Variants in CC2D2B observed in about 807,000 individuals in gnomAD.
CC2D2B encodes the protein coiled-coil and C2 domain containing 2B, also known as protein CC2D2B.
CC2D2B carries 128 observed loss-of-function variants against 161.2 expected under a neutral mutation model. The observed-to-expected ratio is 0.79, with a 90% confidence interval of 0.69 to 0.92. CC2D2B has a LOEUF of 0.92. CC2D2B is among the 40% of genes least tolerant of loss of function. CC2D2B has a pLI of 0.00. For synonymous variants in CC2D2B, 391 were observed against 449.8 expected, an observed-to-expected ratio of 0.87 and a Z score of 1.65; for missense variants, 1,173 against 1,375.1, an observed-to-expected ratio of 0.85 and a Z score of 2.32.
At chr10:95,944,929 A>G (rs979338694) in intron 9 of CC2D2B, among the ~76,000 whole-genome samples, 6 of 152,228 alleles carry the variant, frequency 3.9e-5, no homozygotes, top group Non-Finnish European at 1.5e-5. Flanking sequence ...TTTCAATGTG[A>G]TAGCATTAAG....
chr10:95,931,536 T>A lies in CC2D2B; in HGVS notation c.336+4204T>A, dbSNP rs529939164. On this transcript the variant is annotated intron_variant, in intron 6 of 34. Transcript: ENST00000646931. ...GGGCTTTTTGTGCTATAAATTTCCC[T>A]CTAAACACTGCTTTAACTGTGTCCC... 2.0e-5 allele frequency among the ~76,000 whole-genome samples: 3 copies of A among 152,370 alleles called. No individual in the cohort carries two copies. In the South Asian group the frequency reaches 6.2e-4, roughly 32 times the overall value.
chr10:95,969,969 A>C (rs974287840), intron 15 of CC2D2B, among the ~76,000 whole-genome samples: 4 of 152,188 alleles, frequency 2.6e-5, no homozygotes, highest in Admixed American at 1.3e-4. Context: ...CACCATTAGC[A>C]AATGCAAAAA....
intron 2 of CC2D2B, among the ~76,000 whole-genome samples, chr10:95,914,381 C>T (rs181622188): frequency 2.6e-5 from 4 of 152,126 alleles, no homozygotes; most frequent in East Asian, 3.9e-4. Flanking sequence ...TTTAGTACAG[C>T]TCTGTAGCAC....
intron 17 of CC2D2B, among the ~76,000 whole-genome samples, chr10:95,975,685 T>C (rs1298290040): frequency 6.6e-6 from 1 of 152,200 alleles, no homozygotes; most frequent in Non-Finnish European, 1.5e-5. Flanking sequence ...AGAAACTCTC[T>C]CTTCCTCAAC....
chr10:95,962,741 AT>A (rs966559006), intron 12 of CC2D2B, among the ~76,000 whole-genome samples: 4 of 127,460 alleles, frequency 3.1e-5, no homozygotes, highest in African/African-American at 5.7e-5. Flanking sequence ...TATTTTGTTG[AT>A]TTTTTTTTCT....
intron 34 of CC2D2B, among the ~76,000 whole-genome samples, chr10:96,031,279 G>A (rs371677098): frequency 2.6e-4 from 40 of 152,160 alleles, no homozygotes; most frequent in African/African-American, 9.2e-4. Context: ...TGGGAAGAGC[G>A]TGTGAACAGA....
intron 9 of CC2D2B, among the ~76,000 whole-genome samples, chr10:95,945,723 A>G (rs1027986254): frequency 4.0e-5 from 6 of 149,254 alleles, no homozygotes; most frequent in African/African-American, 1.5e-4. Context: ...GCTGCTTTTC[A>G]CCAATGTGTC....
chr10:95,941,833 C>A (rs1195780566), intron 9 of CC2D2B, among the ~76,000 whole-genome samples: 1 of 152,146 alleles, frequency 6.6e-6, no homozygotes, highest in Admixed American at 6.6e-5. Flanking sequence ...CCAACAATCT[C>A]ACTTCTGGGT....
intron 13 of CC2D2B, 46 bp downstream of exon 13, chr10:95,966,044 T>TCTATCAAAAAATAAAATA: frequency 1.2e-6 from 1 of 812,550 alleles, no homozygotes; most frequent in Non-Finnish European, 1.7e-6. Flanking sequence ...GTTATAATAT[T>TCTATCAAAAAATAAAATA]TTATTTTTTG....
At chr10:95,997,949 T>A (rs1302011270) in intron 24 of CC2D2B, among the ~76,000 whole-genome samples, 1 of 152,202 alleles carries the variant, frequency 6.6e-6, no homozygotes, top group Non-Finnish European at 1.5e-5. Flanking sequence ...CCAACAGCAG[T>A]ATATACAATT....
chr10:95,986,939 T>G (rs769651135), intron 19 of CC2D2B, among the ~76,000 whole-genome samples: 1 of 152,112 alleles, frequency 6.6e-6, no homozygotes, highest in Non-Finnish European at 1.5e-5. Flanking sequence ...AACCTACAGA[T>G]TAGAAAAGTT....
Position 95,936,864 on chromosome 10 carries a change from C to G in CC2D2B, c.337-1127C>G, listed in dbSNP as rs140999933. On this transcript the variant is annotated intron_variant, in intron 6 of 34. Coordinates refer to ENST00000646931, the MANE Select transcript of CC2D2B (RefSeq NM_001349008.3). ...TCTGAAGGCAGGTGGAAAGCCCTGGCCCACACAAGGGGTGTTATAAAGGAA... is the reference window on the plus strand; with the variant it reads ...TCTGAAGGCAGGTGGAAAGCCCTGGGCCACACAAGGGGTGTTATAAAGGAA... Among the ~76,000 whole-genome samples the G allele has an allele frequency of 4.3e-4, 66 of 152,234 alleles. No homozygotes were observed. In the East Asian group the frequency reaches 0.012, roughly 28 times the overall value.
chr10:95,923,881 T>C (rs1389923155), intron 3 of CC2D2B, among the ~76,000 whole-genome samples: 11 of 151,704 alleles, frequency 7.3e-5, no homozygotes, highest in Non-Finnish European at 4.4e-5. Context: ...GTTAGCAGGG[T>C]GTGGTGGCGC....
At chr10:95,931,009 T>A (rs1196468360) in intron 6 of CC2D2B, among the ~76,000 whole-genome samples, 1 of 152,172 alleles carries the variant, frequency 6.6e-6, no homozygotes, top group East Asian at 1.9e-4. Flanking sequence ...TGAATCTGTC[T>A]GGTCCTGGGC....
In CC2D2B at chr10:96,031,970, G is replaced by A. The variant is rs2080084167; in HGVS notation, c.4276G>A (p.Val1426Met). 1.2e-6 allele frequency: 2 copies of A among 1,613,524 alleles called. No homozygotes were observed. Among genetic ancestry groups the A allele is most frequent in the Non-Finnish European group, 1.7e-6 (2 of 1,179,726 alleles). Residue 1426 changes from valine (V) to methionine (M), a missense_variant, in exon 35 of 35, where the codon GTG (valine) becomes ATG (methionine). Val to Met is a conservative substitution (Grantham distance 21). Around this residue, in one of 3 missense-constraint regions of CC2D2B, gnomAD observed 598 missense variants for 693.2 expected, o/e 0.86. Coordinates refer to ENST00000646931, the MANE Select transcript of CC2D2B (RefSeq NM_001349008.3). ...IHPYPNNILS[V>M]WVYLASLVQH... ...CCCATACCCAAACAACATATTATCTGTGTGGGTCTATTTGGCTTCCTTAGT... is the reference window on the plus strand; with the variant it reads ...CCCATACCCAAACAACATATTATCTATGTGGGTCTATTTGGCTTCCTTAGT...
chr10:95,949,802 A>G (rs1425450710), intron 9 of CC2D2B, 94 bp from the exon 10 acceptor site: 1 of 396,910 alleles, frequency 2.5e-6, no homozygotes, highest in African/African-American at 2.1e-5. Context: ...TGATTTTCCT[A>G]CAATTGAAAT....
At chr10:96,007,924 G>C (rs989545663) in intron 25 of CC2D2B, among the ~76,000 whole-genome samples, 10 of 152,040 alleles carry the variant, frequency 6.6e-5, no homozygotes, top group African/African-American at 2.4e-4. Flanking sequence ...TAGTGTTATT[G>C]AGGAATGATT....
chr10:95,996,427 A>G (rs1048509316), intron 24 of CC2D2B, among the ~76,000 whole-genome samples, 175 bp downstream of exon 24: 10 of 152,332 alleles, frequency 6.6e-5, no homozygotes, highest in African/African-American at 2.4e-4. Flanking sequence ...CATAATATAT[A>G]ATCTATATGT....
At chr10:95,999,979 C>T in intron 24 of CC2D2B, 1 of 812,890 alleles carries the variant, frequency 1.2e-6, no homozygotes, top group African/African-American at 1.7e-5. Context: ...GCTCAATACA[C>T]ACATTAATTC....
Sources: gnomAD v4.1 joint callset for allele counts (sites outside exome capture counted in the v4.1 genomes callset) on GRCh38, gnomAD v4.1.1 for gene constraint, gnomAD v4.1.1 regional missense constraint, MANE v1.5 for transcripts, NCBI Gene and HGNC (gene_info 2026-07-23, HGNC 2026-07-21) for gene names.